The following LAMA1 variants were observed in gnomAD, a reference collection of about 807,000 sequenced individuals.
LAMA1 encodes laminin subunit alpha-1.
Under a neutral mutation model 348.7 loss-of-function variants are expected in LAMA1, and 219 were observed. The ratio of observed to expected loss-of-function variants is 0.63; its 90% confidence interval spans 0.56 to 0.70. LAMA1 has a LOEUF of 0.70. LAMA1 is among the 30% of genes least tolerant of loss of function. The pLI is 0.00. For missense variants in LAMA1, 3,744 were observed against 3,888.0 expected (o/e 0.96, Z 0.99); for synonymous variants, 1,487 against 1,491.0 (o/e 1.00, Z 0.06).
At chr18:6,955,871 G>A in intron 56 of LAMA1, 2 of 354,034 alleles carry the variant, frequency 5.6e-6, no homozygotes, top group Non-Finnish European at 5.5e-6. Flanking sequence ...AACTGGAGGT[G>A]CCCACAGGTG....
chr18:7,056,871 T>A (rs2058084131), intron 3 of LAMA1, among the ~76,000 whole-genome samples: 1 of 149,014 alleles, frequency 6.7e-6, no homozygotes, highest in Non-Finnish European at 1.5e-5. Flanking sequence ...GTTAACGCTT[T>A]GAATTTTTTT....
intron 1 of LAMA1, among the ~76,000 whole-genome samples, chr18:7,091,308 T>C (rs1382635337): frequency 6.6e-6 from 1 of 152,224 alleles, no homozygotes; most frequent in Non-Finnish European, 1.5e-5. Flanking sequence ...GAGAAGTCAC[T>C]GTACCTCTCT....
intron 46 of LAMA1, among the ~76,000 whole-genome samples, 173 bp downstream of exon 46, chr18:6,974,730 G>A (rs989140804): frequency 2.6e-5 from 4 of 152,082 alleles, no homozygotes; most frequent in African/African-American, 4.8e-5. Context: ...TTACAGGTGT[G>A]AGCCACTGGC....
chr18:7,050,585 C>T, intron 4 of LAMA1, 109 bp downstream of exon 4: 1 of 1,489,146 alleles, frequency 6.7e-7, no homozygotes, highest in South Asian at 1.2e-5. Flanking sequence ...TTAAATAGAG[C>T]TAGATAGTTA....
In LAMA1 at chr18:7,007,212, A is replaced by G; in HGVS notation, c.4187T>C (p.Leu1396Pro). The stretch of plus-strand genomic sequence containing the variant: ...ACTGCAGGGAACACAAGGAGCAACC[A>G]GAGGGCGTGGTCCCCTGTCACTCCC... Reference protein sequence around the residue: ...PAGSDRGPRPLVAPCVPCSCN... With the variant: ...PAGSDRGPRPPVAPCVPCSCN... The change falls in exon 29 of 63, where the codon CTG becomes CCG. Residue 1396 changes from leucine (L) to proline (P), a missense_variant. This residue lies in a region of LAMA1 where 1,983 missense variants were observed against 1,934.3 expected (regional missense o/e 1.03). Transcript: ENST00000389658. 1 of 1,614,186 alleles carries G rather than the reference A, an allele frequency of 6.2e-7. No homozygotes were observed. Among genetic ancestry groups the G allele is most frequent in the Non-Finnish European group, 8.5e-7 (1 of 1,180,026 alleles).
chr18:7,115,243 G>C (rs1455281053), intron 1 of LAMA1, among the ~76,000 whole-genome samples: 1 of 152,176 alleles, frequency 6.6e-6, no homozygotes, highest in East Asian at 1.9e-4. Context: ...TGAGAATGAA[G>C]TGAATTTTCT....
At position 7,117,697 on chromosome 18, in the gene LAMA1, G is replaced by A; in HGVS notation, c.24C>T (p.Val8=). 1.9e-6 allele frequency: 3 copies of A among 1,598,800 alleles called. No homozygotes were observed. The highest frequency in any genetic ancestry group is 1.7e-6 in the Non-Finnish European group (2 of 1,178,550). Residue 8 remains valine (V), a synonymous_variant, in exon 1 of 63, where the codon GTC becomes GTT. Transcript: ENST00000389658. ...ACTGCGCGGCGACACACAGCAGCAA[G>A]ACCAGGAGCACGCCCCCGCGCATCT... MRGGVLL[V]LLLCVAAQCR... is the part of the protein sequence containing the mutation.
intron 14 of LAMA1, among the ~76,000 whole-genome samples, chr18:7,033,910 AT>A (rs2057982736): frequency 6.6e-6 from 1 of 151,874 alleles, no homozygotes; most frequent in African/African-American, 2.4e-5. Context: ...AATTTTTTGT[AT>A]TTTTAGTAGA....
chr18:6,975,857 TCGTCAAATAA>T, intron 45 of LAMA1, 70 bp downstream of exon 45: 2 of 1,563,532 alleles, frequency 1.3e-6, no homozygotes, highest in Admixed American at 1.7e-5. Context: ...TATTTTTTTT[TCGTCAAATAA>T]GTGAAAATTC....
chr18:6,963,669 AC>A (rs1212440901), intron 51 of LAMA1, among the ~76,000 whole-genome samples: 1 of 152,200 alleles, frequency 6.6e-6, no homozygotes, highest in Non-Finnish European at 1.5e-5. Flanking sequence ...GCTAACCACT[AC>A]GCTGAATGGC....
At chr18:7,057,963 T>A (rs2058089061) in intron 3 of LAMA1, among the ~76,000 whole-genome samples, 1 of 150,682 alleles carries the variant, frequency 6.6e-6, no homozygotes, top group Non-Finnish European at 1.5e-5. Context: ...TCCGGCCAAT[T>A]TTTTTTAATT....
intron 44 of LAMA1, among the ~76,000 whole-genome samples, chr18:6,976,641 C>T (rs656324): frequency 6.6e-6 from 1 of 151,448 alleles, no homozygotes; most frequent in Non-Finnish European, 1.5e-5. Flanking sequence ...GGGTCTTGCT[C>T]TGTTGCCCAG....
intron 58 of LAMA1, among the ~76,000 whole-genome samples, chr18:6,950,417 G>A (rs1057352018): frequency 6.6e-6 from 1 of 152,220 alleles, no homozygotes; most frequent in African/African-American, 2.4e-5. Context: ...TACAGGCACA[G>A]GTAAAGCGTG....
intron 7 of LAMA1, 111 bp downstream of exon 7, chr18:7,044,611 A>C (rs2058034386): frequency 2.2e-6 from 2 of 903,652 alleles, no homozygotes; most frequent in Non-Finnish European, 3.7e-6. Context: ...AACTACTTAA[A>C]TTTCTAAGAA....
At chr18:6,977,923 G>T in intron 43 of LAMA1, 42 bp from the exon 44 acceptor site, 3 of 1,599,922 alleles carry the variant, frequency 1.9e-6, no homozygotes, top group South Asian at 2.2e-5. Context: ...GAAAGTTGGG[G>T]AGAGGGAAAA....
intron 1 of LAMA1, among the ~76,000 whole-genome samples, chr18:7,094,120 G>C (rs367656084): frequency 6.6e-6 from 1 of 152,010 alleles, no homozygotes; most frequent in African/African-American, 2.4e-5. Flanking sequence ...CTGGGTATCC[G>C]GTTCCAGTGC....
At chr18:6,967,374 T>C (rs1392795762) in intron 48 of LAMA1, among the ~76,000 whole-genome samples, 1 of 152,234 alleles carries the variant, frequency 6.6e-6, no homozygotes, top group African/African-American at 2.4e-5. Flanking sequence ...TCCATTGTTC[T>C]ACCTCTTGGC....
At position 7,008,620 on chromosome 18, in the gene LAMA1, T is replaced by C. The variant is rs375172471; in HGVS notation, c.4002-12A>G. The C allele has an allele frequency of 1.9e-6, 3 of 1,613,750 alleles. No individual in the cohort carries two copies. Among genetic ancestry groups the C allele is most frequent in the African/African-American group, 2.7e-5 (2 of 75,032 alleles). ...AAATGTCTGAGATTCTGTGCAGCCA[T>C]CATGTTAAGAGAGGAAACGCTAACA... On this transcript the variant is annotated splice_polypyrimidine_tract_variant and intron_variant, in intron 27 of 62. Coordinates refer to ENST00000389658, the MANE Select transcript of LAMA1 (RefSeq NM_005559.4).
intron 30 of LAMA1, among the ~76,000 whole-genome samples, chr18:7,001,879 C>G (rs2057809249): frequency 6.6e-6 from 1 of 152,136 alleles, no homozygotes; most frequent in Non-Finnish European, 1.5e-5. Flanking sequence ...ACTCTAACCC[C>G]ATTCCCTTAT....
Sources: allele counts gnomAD v4.1 joint callset (sites outside exome capture counted in the v4.1 genomes callset), GRCh38; gene constraint gnomAD v4.1.1; regional missense constraint gnomAD v4.1.1; transcripts MANE v1.5; gene names NCBI Gene and HGNC (gene_info 2026-07-23, HGNC 2026-07-21).